The following FAR2 variants were observed in gnomAD, a reference collection of about 807,000 sequenced individuals.
The protein encoded by FAR2 is epididymis secretory protein Li 81.
A neutral mutation model predicts 56.0 loss-of-function variants in FAR2; 19 were observed. That is an observed-to-expected ratio of 0.34 (90% CI 0.24 to 0.50). The LOEUF (loss-of-function observed/expected upper bound fraction) is 0.50, where lower values mean the gene tolerates loss of function less well. FAR2 is among the 20% of genes least tolerant of loss of function. FAR2 has a pLI of 0.98. For synonymous variants in FAR2, 219 were observed against 218.8 expected, an observed-to-expected ratio of 1.00 and a Z score of -0.01; for missense variants, 508 against 642.2, an observed-to-expected ratio of 0.79 and a Z score of 2.26.
chr12:29,246,359 A>G (rs1283687396), intron 1 of FAR2, among the ~76,000 whole-genome samples: 1 of 152,202 alleles, frequency 6.6e-6, no homozygotes, highest in Non-Finnish European at 1.5e-5. Flanking sequence ...AGATATCTCA[A>G]CATTTCACCT....
In FAR2 at chr12:29,321,199, T is replaced by A. The variant is rs537149671; in HGVS notation, c.1128-596T>A. ...TTACATACTAAGACCTCAGATCCTA[T>A]CAACTTCTTAAAATACAAGAAAGTA... On this transcript the variant is annotated intron_variant, in intron 9 of 11. Coordinates refer to ENST00000536681, the MANE Select transcript of FAR2 (RefSeq NM_001271783.2). Among the ~76,000 whole-genome samples, 173 of 152,048 alleles carry A rather than the reference T, an allele frequency of 1.1e-3. 1 individual carries two copies. The highest frequency in any genetic ancestry group is 4.1e-3 in the African/African-American group (170 of 41,474).
chr12:29,190,994 T>C (rs1008881444), intron 1 of FAR2, among the ~76,000 whole-genome samples: 2 of 152,320 alleles, frequency 1.3e-5, no homozygotes, highest in South Asian at 4.1e-4. Flanking sequence ...GAGGCTCCAA[T>C]TGAAAACTCA....
At chr12:29,158,608 T>G (rs1949752290) in intron 1 of FAR2, among the ~76,000 whole-genome samples, 1 of 152,244 alleles carries the variant, frequency 6.6e-6, no homozygotes, top group South Asian at 2.1e-4. Context: ...GGATGACACT[T>G]AGATAAATTT....
At chr12:29,186,755 A>ATTTATTTATTAT (rs1481530321) in intron 1 of FAR2, among the ~76,000 whole-genome samples, 602 of 46,336 alleles carry the variant, frequency 0.013, 4 homozygotes, top group African/African-American at 0.024. Context: ...TTCTTTATTT[A>ATTTATTTATTAT]TTATTTATTT....
chr12:29,325,062 A>G (rs1369497726), intron 10 of FAR2, among the ~76,000 whole-genome samples: 1 of 152,150 alleles, frequency 6.6e-6, no homozygotes, highest in Non-Finnish European at 1.5e-5. Flanking sequence ...AAGATCTACC[A>G]AGCAAATGGA....
At chr12:29,322,074 C>T in intron 10 of FAR2, 150 bp downstream of exon 10, 1 of 817,382 alleles carries the variant, frequency 1.2e-6, no homozygotes, top group Non-Finnish European at 1.8e-6. Flanking sequence ...TCAGTCAATG[C>T]TATCAACACC....
At chr12:29,308,246 A>AT (rs969321301) in intron 5 of FAR2, among the ~76,000 whole-genome samples, 14 of 152,074 alleles carry the variant, frequency 9.2e-5, no homozygotes, top group African/African-American at 3.4e-4. Context: ...AGGAATACTA[A>AT]TTTTTTTTAA....
intron 2 of FAR2, chr12:29,277,879 G>C (rs1274187291): frequency 6.6e-6 from 1 of 151,096 alleles, no homozygotes; most frequent in Non-Finnish European, 1.5e-5. Context: ...TGAGCATTTT[G>C]GTGCTATAGT....
At chr12:29,326,705 C>G (rs1175358676) in intron 10 of FAR2, among the ~76,000 whole-genome samples, 1 of 152,190 alleles carries the variant, frequency 6.6e-6, no homozygotes, top group Non-Finnish European at 1.5e-5. Context: ...TTCAACAACA[C>G]TTCATGCTAA....
chr12:29,318,479 T>C (rs549375775), intron 9 of FAR2, among the ~76,000 whole-genome samples: 2 of 152,308 alleles, frequency 1.3e-5, no homozygotes, highest in African/African-American at 4.8e-5. Context: ...TAAAAATCTA[T>C]ATGTATCTTG....
At chr12:29,316,043 A>G (rs1949444179) in intron 8 of FAR2, among the ~76,000 whole-genome samples, 2 of 152,182 alleles carry the variant, frequency 1.3e-5, no homozygotes, top group African/African-American at 2.4e-5. Context: ...TATAGGATTT[A>G]TATTTTCAGA....
intron 1 of FAR2, among the ~76,000 whole-genome samples, chr12:29,256,274 A>G (rs192273374): frequency 6.6e-6 from 1 of 152,116 alleles, no homozygotes; most frequent in Admixed American, 6.5e-5. Context: ...TGCAGCCTTG[A>G]ACTCCTGGGC....
intron 2 of FAR2, chr12:29,291,433 C>T (rs910373087): frequency 6.6e-5 from 30 of 455,838 alleles, no homozygotes; most frequent in East Asian, 1.4e-4. Context: ...GCTACTGATG[C>T]GAAGATTGCT....
intron 2 of FAR2, among the ~76,000 whole-genome samples, chr12:29,273,146 C>T (rs1004656414): frequency 2.0e-5 from 3 of 152,130 alleles, no homozygotes; most frequent in African/African-American, 4.8e-5. Flanking sequence ...GACCGTTTAA[C>T]GAACCACTTT....
intron 10 of FAR2, among the ~76,000 whole-genome samples, chr12:29,327,484 G>C (rs188340443): frequency 6.6e-6 from 1 of 152,020 alleles, no homozygotes; most frequent in Non-Finnish European, 1.5e-5. Context: ...GGAGGCATCA[G>C]GCTACCTGAC....
intron 10 of FAR2, among the ~76,000 whole-genome samples, chr12:29,326,274 A>G (rs1171981288): frequency 6.6e-6 from 1 of 152,186 alleles, no homozygotes; most frequent in Admixed American, 6.5e-5. Context: ...CTTACCAACC[A>G]AAAAAAGTCC....
At chr12:29,188,448 G>A (rs1196506675) in intron 1 of FAR2, among the ~76,000 whole-genome samples, 1 of 140,950 alleles carries the variant, frequency 7.1e-6, no homozygotes, top group Non-Finnish European at 1.5e-5. Flanking sequence ...TGAACTTAGG[G>A]ATAATTTGAT....
chr12:29,207,875 C>A (rs1468919340), intron 1 of FAR2, among the ~76,000 whole-genome samples: 1 of 152,074 alleles, frequency 6.6e-6, no homozygotes, highest in Non-Finnish European at 1.5e-5. Flanking sequence ...GAACACAGCA[C>A]ATTAACTGTA....
intron 9 of FAR2, among the ~76,000 whole-genome samples, chr12:29,318,688 G>A (rs1481388905): frequency 6.6e-6 from 1 of 152,152 alleles, no homozygotes; most frequent in Non-Finnish European, 1.5e-5. Flanking sequence ...GGGGGTATGT[G>A]TGTATATAAA....
Sources: gnomAD v4.1 joint callset for allele counts (sites outside exome capture counted in the v4.1 genomes callset) on GRCh38, gnomAD v4.1.1 for gene constraint, MANE v1.5 for transcripts, NCBI Gene and HGNC (gene_info 2026-07-23, HGNC 2026-07-21) for gene names.